Variants in MEGF10 observed in about 807,000 individuals in gnomAD.
The protein encoded by MEGF10 is multiple EGF like domains 10, also known as multiple epidermal growth factor-like domains protein 10.
In MEGF10, 86 loss-of-function variants were observed where a neutral mutation model predicts 147.5. That is an observed-to-expected ratio of 0.58 (90% CI 0.49 to 0.70). The LOEUF is 0.70. Ranked by LOEUF, MEGF10 falls within the 30% of genes least tolerant of loss-of-function variation. The pLI is 0.00. For synonymous variants in MEGF10, 478 were observed against 525.5 expected (o/e 0.91, Z 1.24); for missense variants, 1,329 against 1,487.3 (o/e 0.89, Z 1.75).
At chr5:127,439,509 T>C (rs1323754631) in intron 17 of MEGF10, among the ~76,000 whole-genome samples, 1 of 152,000 alleles carries the variant, frequency 6.6e-6, no homozygotes, top group Non-Finnish European at 1.5e-5. Context: ...GAACCAAGAG[T>C]TGAAAAGGAT....
chr5:127,363,509 A>G (rs1389058844), intron 4 of MEGF10, among the ~76,000 whole-genome samples: 1 of 152,122 alleles, frequency 6.6e-6, no homozygotes, highest in Non-Finnish European at 1.5e-5. Context: ...CGCACTTACC[A>G]CCTGAATCTG....
the MEGF10 span, among the ~76,000 whole-genome samples, chr5:127,278,412 A>G: frequency 1.3e-5 from 2 of 152,196 alleles, no homozygotes; most frequent in Non-Finnish European, 2.9e-5. Flanking sequence ...GAAGGAAAAT[A>G]TATGATACTA....
intron 5 of MEGF10, among the ~76,000 whole-genome samples, chr5:127,374,380 C>G (rs985523843): frequency 1.3e-5 from 2 of 152,142 alleles, no homozygotes. Context: ...GGGCACATAC[C>G]CATTTTTGTA....
intron 5 of MEGF10, among the ~76,000 whole-genome samples, chr5:127,376,176 A>T (rs1352254841): frequency 6.6e-6 from 1 of 152,198 alleles, no homozygotes; most frequent in Non-Finnish European, 1.5e-5. Flanking sequence ...TCTTCCAGAA[A>T]CTTCTCTGAG....
intron 13 of MEGF10, among the ~76,000 whole-genome samples, chr5:127,426,145 C>T (rs1765204183): frequency 6.6e-6 from 1 of 152,126 alleles, no homozygotes; most frequent in Non-Finnish European, 1.5e-5. Flanking sequence ...GAAGTCTCAC[C>T]CTAAGGTGAG....
chr5:127,420,522 G>A (rs1252771565), intron 12 of MEGF10, among the ~76,000 whole-genome samples: 2 of 151,774 alleles, frequency 1.3e-5, no homozygotes, highest in African/African-American at 4.8e-5. Context: ...GAACAGTACT[G>A]GTCTCCAAAT....
chr5:127,238,549 T>C, the MEGF10 span, among the ~76,000 whole-genome samples: 136 of 152,260 alleles, frequency 8.9e-4, no homozygotes, highest in East Asian at 0.021. Context: ...TGACATCCCA[T>C]GTTACAGATG....
intron 5 of MEGF10, among the ~76,000 whole-genome samples, chr5:127,371,528 G>C (rs1422319): frequency 6.6e-6 from 1 of 152,132 alleles, no homozygotes; most frequent in Non-Finnish European, 1.5e-5. Context: ...AAGAGTGGGC[G>C]TATTAGTCAT....
chr5:127,370,085 T>C, intron 5 of MEGF10, 83 bp downstream of exon 5: 1 of 1,018,248 alleles, frequency 9.8e-7, no homozygotes, highest in Non-Finnish European at 1.5e-6. Context: ...TGAGCCATGC[T>C]TTCCCTCTTC....
In MEGF10 at chr5:127,433,811, G is replaced by T. The variant is rs904948865; in HGVS notation, c.1840+302G>T. On this transcript the variant is annotated intron_variant, in intron 14 of 24. Coordinates refer to ENST00000503335, the MANE Select transcript of MEGF10 (RefSeq NM_001256545.2). ...TCACCCTTCCTGAAAGCTTTGGAATGGTGTTCTAGAAATTCACTGACCTGT... is the reference window on the plus strand; with the variant it reads ...TCACCCTTCCTGAAAGCTTTGGAATTGTGTTCTAGAAATTCACTGACCTGT... 8.5e-5 allele frequency among the ~76,000 whole-genome samples: 13 copies of T among 152,316 alleles called. No homozygotes were observed. In the South Asian group the frequency reaches 2.7e-3, roughly 32 times the overall value.
chr5:127,272,076 C>T, the MEGF10 span, among the ~76,000 whole-genome samples: 1 of 152,042 alleles, frequency 6.6e-6, no homozygotes, highest in East Asian at 1.9e-4. Flanking sequence ...ACATTAAAGT[C>T]TCAAGATGGA....
chr5:127,238,317 A>G, the MEGF10 span, among the ~76,000 whole-genome samples: 807 of 152,090 alleles, frequency 5.3e-3, 6 homozygotes, highest in African/African-American at 0.019. Context: ...CAGGTTCCCA[A>G]ATTTCTGGGA....
chr5:127,323,996 C>G (rs1008684440), intron 1 of MEGF10, among the ~76,000 whole-genome samples: 1 of 152,026 alleles, frequency 6.6e-6, no homozygotes, highest in Admixed American at 6.6e-5. Context: ...CCTTCTATGA[C>G]CTAGTTTGGA....
chr5:127,240,145 CT>C, the MEGF10 span, among the ~76,000 whole-genome samples: 2 of 152,210 alleles, frequency 1.3e-5, no homozygotes, highest in African/African-American at 2.4e-5. Context: ...CCAGTCTTCC[CT>C]ACACCTATGT....
chr5:127,299,530 A>G (rs1247189082), intron 1 of MEGF10, among the ~76,000 whole-genome samples: 2 of 152,200 alleles, frequency 1.3e-5, no homozygotes, highest in Admixed American at 6.5e-5. Flanking sequence ...ACAATTGCTT[A>G]CATTCTTTGT....
the MEGF10 span, among the ~76,000 whole-genome samples, chr5:127,271,075 C>A: frequency 6.6e-6 from 1 of 152,296 alleles, no homozygotes; most frequent in African/African-American, 2.4e-5. Flanking sequence ...TGGGTATATA[C>A]CCAGTAATGG....
chr5:127,383,922 T>C (rs1301413877), intron 5 of MEGF10, among the ~76,000 whole-genome samples: 1 of 152,250 alleles, frequency 6.6e-6, no homozygotes, highest in African/African-American at 2.4e-5. Flanking sequence ...ATTCTAGTTT[T>C]CTTACTCTGA....
intron 1 of MEGF10, among the ~76,000 whole-genome samples, chr5:127,301,124 G>T (rs1457267301): frequency 1.3e-5 from 2 of 152,168 alleles, no homozygotes; most frequent in African/African-American, 4.8e-5. Context: ...GATATGAGGG[G>T]TGAAGTCTTT....
At chr5:127,379,334 C>G (rs1440786776) in intron 5 of MEGF10, among the ~76,000 whole-genome samples, 1 of 152,096 alleles carries the variant, frequency 6.6e-6, no homozygotes, top group Admixed American at 6.5e-5. Flanking sequence ...GCATGCTGCT[C>G]TCCTTCCCAA....
Sources: gnomAD v4.1 joint callset for allele counts (sites outside exome capture counted in the v4.1 genomes callset) on GRCh38, gnomAD v4.1.1 for gene constraint, MANE v1.5 for transcripts, NCBI Gene and HGNC (gene_info 2026-07-23, HGNC 2026-07-21) for gene names.